Variants in SNX30 observed in about 807,000 individuals in gnomAD.
SNX30 encodes sorting nexin-30.
In SNX30, 24 loss-of-function variants were observed where a neutral mutation model predicts 46.4. The observed-to-expected ratio is 0.52, with a 90% confidence interval of 0.37 to 0.73. SNX30 has a LOEUF of 0.73. SNX30 is among the 30% of genes least tolerant of loss of function. The pLI is 0.00. For synonymous variants in SNX30, 189 were observed against 211.5 expected (o/e 0.89, Z 0.92); for missense variants, 533 against 555.7 (o/e 0.96, Z 0.41).
At chr9:112,847,259 T>C (rs4979165) in intron 6 of SNX30, among the ~76,000 whole-genome samples, 142,947 of 152,094 alleles carry the variant, frequency 0.94, 67,251 homozygotes, top group East Asian at 1. Context: ...AGCCGTCCCG[T>C]GCGTATCCCA....
chr9:112,853,740 C>T (rs1259930828), intron 7 of SNX30, among the ~76,000 whole-genome samples: 2 of 152,176 alleles, frequency 1.3e-5, no homozygotes, highest in Admixed American at 1.3e-4. Context: ...TCAAAAGGTA[C>T]AAACTTTCAG....
intron 1 of SNX30, among the ~76,000 whole-genome samples, chr9:112,777,697 C>T (rs1051278408): frequency 3.4e-5 from 5 of 146,320 alleles, no homozygotes; most frequent in Admixed American, 1.4e-4. Flanking sequence ...ATCCTCCCGC[C>T]TCAACCTCCC....
At chr9:112,867,729 C>T (rs1027816895) in intron 8 of SNX30, among the ~76,000 whole-genome samples, 2 of 148,310 alleles carry the variant, frequency 1.3e-5, no homozygotes, top group African/African-American at 5.0e-5. Context: ...CCCCTCAGAA[C>T]TCCTCCCCAC....
At chr9:112,797,529 G>T (rs1393881523) in intron 1 of SNX30, among the ~76,000 whole-genome samples, 1 of 151,914 alleles carries the variant, frequency 6.6e-6, no homozygotes, top group Non-Finnish European at 1.5e-5. Context: ...AAAAGATGAA[G>T]ATTTTGTAAA....
At chr9:112,832,698 G>A (rs1244930056) in intron 4 of SNX30, among the ~76,000 whole-genome samples, 1 of 149,590 alleles carries the variant, frequency 6.7e-6, no homozygotes, top group Non-Finnish European at 1.5e-5. Context: ...AATGGGTGCA[G>A]CACACCAACA....
intron 3 of SNX30, among the ~76,000 whole-genome samples, chr9:112,826,287 T>G (rs1251028344): frequency 2.0e-5 from 3 of 152,154 alleles, no homozygotes; most frequent in African/African-American, 4.8e-5. Flanking sequence ...AACCCAGCAC[T>G]GAAGGCAGTA....
In SNX30 at chr9:112,850,845, T is replaced by C. The variant is rs1410923214; in HGVS notation, c.1015-14T>C. 6.2e-7 allele frequency: 1 copy of C among 1,607,776 alleles called. No individual in the cohort carries two copies. The highest frequency in any genetic ancestry group is 2.2e-5 in the East Asian group (1 of 44,844). On this transcript the variant is annotated splice_polypyrimidine_tract_variant and intron_variant, in intron 6 of 8. Transcript: ENST00000374232. ...GACTCAGTGTTACATGCTTCTCTCCTCTGCCTCCCACAGAGTGTATTGAAG... is the reference window on the plus strand; with the variant it reads ...GACTCAGTGTTACATGCTTCTCTCCCCTGCCTCCCACAGAGTGTATTGAAG...
chr9:112,788,384 C>T (rs1839964641), intron 1 of SNX30, among the ~76,000 whole-genome samples: 1 of 152,166 alleles, frequency 6.6e-6, no homozygotes, highest in African/African-American at 2.4e-5. Flanking sequence ...AGTACCATGT[C>T]AGATGGTAGC....
At chr9:112,875,749 G>A (rs1370302092), downstream of SNX30, 3 of 152,070 alleles carry the variant, frequency 2.0e-5, no homozygotes, top group Non-Finnish European at 4.4e-5. Flanking sequence ...TAAATATTAA[G>A]GATAACAATC....
At chr9:112,817,422 T>TTTTTTTTTTG (rs1840417306) in intron 2 of SNX30, among the ~76,000 whole-genome samples, 1 of 129,548 alleles carries the variant, frequency 7.7e-6, no homozygotes, top group Admixed American at 8.0e-5. Flanking sequence ...TTTTTTTTTT[T>TTTTTTTTTTG]TTTTTTTTTG....
chr9:112,811,161 C>T (rs553042376), intron 2 of SNX30, among the ~76,000 whole-genome samples: 1 of 152,256 alleles, frequency 6.6e-6, no homozygotes, highest in East Asian at 1.9e-4. Flanking sequence ...GGCAGAGGAG[C>T]GTGAGGATGA....
intron 6 of SNX30, among the ~76,000 whole-genome samples, chr9:112,842,410 C>T (rs1840874306): frequency 6.6e-6 from 1 of 152,190 alleles, no homozygotes; most frequent in South Asian, 2.1e-4. Context: ...GAAGTAGTGG[C>T]CTGTGCCTTA....
chr9:112,767,683 A>G (rs1415479896), intron 1 of SNX30, among the ~76,000 whole-genome samples: 1 of 152,024 alleles, frequency 6.6e-6, no homozygotes, highest in East Asian at 1.9e-4. Context: ...TCAACCTCCC[A>G]GGCTCAAGTG....
At chr9:112,764,736 T>C (rs78025083) in intron 1 of SNX30, among the ~76,000 whole-genome samples, 2,102 of 152,024 alleles carry the variant, frequency 0.014, 23 homozygotes, top group Non-Finnish European at 0.021. Context: ...ATTCAGAGAG[T>C]GTACTGGTTA....
In SNX30 at chr9:112,873,414, C is replaced by G. The variant is rs1430346466; in HGVS notation, c.*4571C>G. 6.6e-6 allele frequency: 1 copy of G among 152,158 alleles called. No homozygotes were observed. Among genetic ancestry groups the G allele is most frequent in the Admixed American group, 6.5e-5 (1 of 15,280 alleles). The allele number at this position is 152,158 out of a possible 1,614,324, so 9.4% of individuals were successfully genotyped here. ...ACTAATATGCCTTATTCTTCTTCAC[C>G]TAGTGTTTTAAAAGTCCTGGGTAGA... On this transcript the variant is annotated 3_prime_UTR_variant, in exon 9 of 9. Transcript: ENST00000374232.
At chr9:112,770,145 A>G (rs930059546) in intron 1 of SNX30, among the ~76,000 whole-genome samples, 2 of 152,022 alleles carry the variant, frequency 1.3e-5, no homozygotes, top group Admixed American at 6.6e-5. Context: ...CAGTCGCATC[A>G]TGTCTCTTGC....
intron 1 of SNX30, among the ~76,000 whole-genome samples, chr9:112,761,371 T>C (rs1398755798): frequency 7.2e-5 from 11 of 152,052 alleles, no homozygotes; most frequent in African/African-American, 2.7e-4. Context: ...CCATGTTGGC[T>C]AGGCTGGTCT....
intron 1 of SNX30, among the ~76,000 whole-genome samples, chr9:112,767,185 G>A (rs1839556441): frequency 6.7e-6 from 1 of 148,276 alleles, no homozygotes; most frequent in South Asian, 2.1e-4. Flanking sequence ...TTGCAGTTTT[G>A]GTTTGCAGTT....
At chr9:112,814,364 C>T (rs971830954) in intron 2 of SNX30, among the ~76,000 whole-genome samples, 2 of 152,274 alleles carry the variant, frequency 1.3e-5, no homozygotes, top group Admixed American at 6.5e-5. Flanking sequence ...CCTCAGCGTC[C>T]TGAGTAGCAG....
Sources: allele counts gnomAD v4.1 joint callset (sites outside exome capture counted in the v4.1 genomes callset), GRCh38; gene constraint gnomAD v4.1.1; transcripts MANE v1.5; gene names NCBI Gene and HGNC (gene_info 2026-07-23, HGNC 2026-07-21).